SEPTIN9: variants seen among roughly 807,000 people sequenced by gnomAD.
SEPTIN9 encodes the protein septin 9.
A neutral mutation model predicts 56.6 loss-of-function variants in SEPTIN9; 13 were observed. The observed-to-expected ratio is 0.23, with a 90% CI of 0.15 to 0.37. SEPTIN9 has a LOEUF of 0.37. SEPTIN9 is among the 10% of genes least tolerant of loss of function. The probability of loss-of-function intolerance (pLI) is 1.00; values close to 1 mark genes in which losing one functional copy is unlikely to be tolerated. For synonymous variants in SEPTIN9, 332 were observed against 334.1 expected (o/e 0.99, Z 0.07); for missense variants, 650 against 823.1 (o/e 0.79, Z 2.57).
chr17:77,293,791 G>A (rs2031677623), intron 1 of SEPTIN9, among the ~76,000 whole-genome samples: 1 of 151,954 alleles, frequency 6.6e-6, no homozygotes, highest in African/African-American at 2.4e-5. Context: ...TTGTAATATC[G>A]TTTTCTATTT....
chr17:77,379,059 T>G (rs2035045079), intron 2 of SEPTIN9, among the ~76,000 whole-genome samples: 1 of 152,040 alleles, frequency 6.6e-6, no homozygotes, highest in African/African-American at 2.4e-5. Context: ...CTGAACATTC[T>G]CATCCAGCAG....
chr17:77,331,423 C>G (rs1438493298), intron 2 of SEPTIN9, among the ~76,000 whole-genome samples: 2 of 150,502 alleles, frequency 1.3e-5, no homozygotes, highest in African/African-American at 4.9e-5. Context: ...CCACTGAGGA[C>G]TGGATGTTGA....
intron 2 of SEPTIN9, chr17:77,376,027 A>G (rs1177120971): frequency 1.4e-5 from 12 of 881,974 alleles, no homozygotes; most frequent in Non-Finnish European, 1.6e-5. Flanking sequence ...GGTGATGTGG[A>G]CAGGCAGCTT....
In SEPTIN9 at chr17:77,476,511, TTCATCCC is replaced by T. The variant is rs1220455568; in HGVS notation, c.722-5631_722-5625del. Among the ~76,000 whole-genome samples, 1 of 152,172 alleles carries T rather than the reference TTCATCCC, an allele frequency of 6.6e-6. No individual in the cohort carries two copies. The highest frequency in any genetic ancestry group is 2.1e-4 in the South Asian group (1 of 4,818). ...TCAGGGCTGCGTGGATTACAGCCCT[TTCATCCC>T]TGCCTTAGACCCACCTGCAACTCTG... On this transcript the variant is annotated intron_variant, in intron 3 of 11. Coordinates refer to ENST00000427177, the MANE Select transcript of SEPTIN9 (RefSeq NM_001113491.2). This position sits in a 1 kb window ranked among gnomAD's most constrained non-coding sequence, Gnocchi z 6.0.
intron 7 of SEPTIN9, among the ~76,000 whole-genome samples, chr17:77,489,717 G>A (rs1013415446): frequency 6.6e-6 from 1 of 152,186 alleles, no homozygotes; most frequent in Non-Finnish European, 1.5e-5. Context: ...TGGGCAGCGG[G>A]CCTCACCCAG....
intron 3 of SEPTIN9, among the ~76,000 whole-genome samples, chr17:77,465,809 T>G (rs575067013): frequency 1.3e-5 from 2 of 151,708 alleles, no homozygotes; most frequent in East Asian, 3.9e-4. Flanking sequence ...AGTTGCAGCG[T>G]GAGAGAGGAA....
chr17:77,343,037 C>CTATG (rs1555649339), intron 2 of SEPTIN9, among the ~76,000 whole-genome samples: 2 of 141,420 alleles, frequency 1.4e-5, no homozygotes, highest in Non-Finnish European at 3.1e-5. Flanking sequence ...ATCTATCTAT[C>CTATG]TATCTAGTCT....
chr17:77,354,467 T>C (rs1202659530), intron 2 of SEPTIN9, among the ~76,000 whole-genome samples: 2 of 152,170 alleles, frequency 1.3e-5, no homozygotes, highest in Non-Finnish European at 2.9e-5. Flanking sequence ...TGGTATGACC[T>C]AGCTCCAGGG....
Position 77,492,731 on chromosome 17 carries a change from T to G in SEPTIN9, c.1476+15T>G. The G allele has an allele frequency of 6.2e-7, 1 of 1,605,116 alleles. No homozygotes were observed. Among genetic ancestry groups the G allele is most frequent in the Non-Finnish European group, 8.5e-7 (1 of 1,171,854 alleles). On this transcript the variant is annotated intron_variant, in intron 9 of 11. Coordinates refer to ENST00000427177, the MANE Select transcript of SEPTIN9 (RefSeq NM_001113491.2). The surrounding 1 kb of genome is among the most constrained non-coding windows in gnomAD (Gnocchi z 5.4). ...AGAAGTTCCGGGTGAGTGGATCCACTAGGATGTTGTTCCCAGGGGACCCCC... is the reference window on the plus strand; with the variant it reads ...AGAAGTTCCGGGTGAGTGGATCCACGAGGATGTTGTTCCCAGGGGACCCCC...
chr17:77,484,594 T>G (rs879321803), intron 4 of SEPTIN9, among the ~76,000 whole-genome samples: 19,476 of 58,732 alleles, frequency 0.33, 3,394 homozygotes, highest in African/African-American at 0.57. Context: ...TGGTGGTAAT[T>G]GTGATGGTGG....
intron 10 of SEPTIN9, among the ~76,000 whole-genome samples, chr17:77,494,991 C>T (rs73377553): frequency 1.2e-4 from 18 of 152,334 alleles, no homozygotes; most frequent in African/African-American, 3.8e-4. Context: ...TGCAGTTCCT[C>T]TCTTCCTCTC....
At chr17:77,341,130 G>A (rs1300550386) in intron 2 of SEPTIN9, among the ~76,000 whole-genome samples, 2 of 151,956 alleles carry the variant, frequency 1.3e-5, no homozygotes, top group Non-Finnish European at 2.9e-5. Flanking sequence ...ACTTTTTCTT[G>A]GCATTCACAA....
At chr17:77,364,498 G>T in intron 2 of SEPTIN9, among the ~76,000 whole-genome samples, 1 of 152,218 alleles carries the variant, frequency 6.6e-6, no homozygotes, top group East Asian at 1.9e-4. Flanking sequence ...AGCCTCTTTG[G>T]AGTGTGCTGG....
intron 2 of SEPTIN9, among the ~76,000 whole-genome samples, chr17:77,390,270 C>T (rs1181458238): frequency 1.3e-5 from 2 of 148,954 alleles, no homozygotes; most frequent in African/African-American, 2.5e-5. Context: ...TGGCATGAAC[C>T]CGGGAGGCGG....
chr17:77,499,322 A>G lies in SEPTIN9; in HGVS notation c.*664A>G. 1 of 596,448 alleles carries G rather than the reference A, an allele frequency of 1.7e-6. No homozygotes were observed. The highest frequency in any genetic ancestry group is 3.2e-6 in the Non-Finnish European group (1 of 308,482). The allele number at this position is 596,448 out of a possible 1,614,324, so 36.9% of individuals were successfully genotyped here. On this transcript the variant is annotated 3_prime_UTR_variant, in exon 12 of 12. Coordinates refer to ENST00000427177, the MANE Select transcript of SEPTIN9 (RefSeq NM_001113491.2). ...AGCCATCCGCAGACTGCTTGGCCAG[A>G]TGCGGGGACAGGCTGGAATGAGGGA...
rs147666339 is a variant in SEPTIN9, at chr17:77,296,876, A to G, written c.20-10265A>G. Among the ~76,000 whole-genome samples the G allele has an allele frequency of 2.2e-3, 334 of 152,286 alleles. 4 individuals are homozygous for G. The highest frequency in any genetic ancestry group is 7.3e-3 in the African/African-American group (304 of 41,558). ...TCAAAAAGAAAAAAAAGATAGATAG[A>G]TGAATGGATAGATAGCTAGATAGAT... On this transcript the variant is annotated intron_variant, in intron 1 of 11. Coordinates refer to ENST00000427177, the MANE Select transcript of SEPTIN9 (RefSeq NM_001113491.2).
At chr17:77,404,408 G>A (rs1031446670) in intron 3 of SEPTIN9, among the ~76,000 whole-genome samples, 2 of 152,126 alleles carry the variant, frequency 1.3e-5, no homozygotes, top group Admixed American at 1.3e-4. Context: ...ACCATGCCTG[G>A]CTAATTTTTA....
At chr17:77,382,622 G>C (rs1277958407) in intron 2 of SEPTIN9, among the ~76,000 whole-genome samples, 3 of 152,246 alleles carry the variant, frequency 2.0e-5, no homozygotes, top group Non-Finnish European at 4.4e-5. Context: ...CTGTTGGAGA[G>C]GCAGAGGGAG....
At chr17:77,284,436 G>A (rs1191905928) in intron 1 of SEPTIN9, among the ~76,000 whole-genome samples, 1 of 152,222 alleles carries the variant, frequency 6.6e-6, no homozygotes, top group Non-Finnish European at 1.5e-5. Flanking sequence ...GCCTCACCCG[G>A]CCTTCCAATG....
Sources: gnomAD v4.1 joint callset for allele counts (sites outside exome capture counted in the v4.1 genomes callset) on GRCh38, gnomAD v4.1.1 for gene constraint, Gnocchi (gnomAD v3.1) non-coding constraint, MANE v1.5 for transcripts, NCBI Gene and HGNC (gene_info 2026-07-23, HGNC 2026-07-21) for gene names.